Variants in GLUL observed in about 807,000 individuals in gnomAD.
GLUL encodes the protein glutamine synthetase.
In GLUL, 8 loss-of-function variants were observed where a neutral mutation model predicts 36.9. The observed-to-expected ratio is 0.22, with a 90% CI of 0.13 to 0.39. The LOEUF is 0.39. Ranked by LOEUF, GLUL falls within the 10% of genes least tolerant of loss-of-function variation. The probability of loss-of-function intolerance (pLI) is 1.00; values close to 1 mark genes in which losing one functional copy is unlikely to be tolerated. For synonymous variants in GLUL, 182 were observed against 172.8 expected (o/e 1.05, Z -0.42); for missense variants, 315 against 501.8 (o/e 0.63, Z 3.56).
Position 182,384,400 on chromosome 1 carries a change from T to A in GLUL, c.*5A>T. ...AGGGGCTCAACAGCTGGAGGTCTAG[T>A]CCACTTAATTTTTGTACTGGAAGGG... On this transcript the variant is annotated 3_prime_UTR_variant, in exon 7 of 7. Transcript: ENST00000331872. The A allele has an allele frequency of 1.3e-6, 2 of 1,599,236 alleles. No individual in the cohort carries two copies. Among genetic ancestry groups the A allele is most frequent in the Non-Finnish European group, 1.7e-6 (2 of 1,166,938 alleles).
rs1649843279 is a variant in GLUL, at chr1:182,379,303, A to G, written c.*5102T>C. On this transcript the variant is annotated 3_prime_UTR_variant, in exon 7 of 7. Transcript: ENST00000331872. ...AGTGGAGTGATCTTTGCTTACTGTA[A>G]CCTCTGCCTCCCTGGCTCCAGCGAT... Among the ~76,000 whole-genome samples the G allele has an allele frequency of 6.6e-6, 1 of 150,656 alleles. No individual in the cohort carries two copies. Among genetic ancestry groups the G allele is most frequent in the Admixed American group, 6.6e-5 (1 of 15,166 alleles).
rs139269420 is a variant in GLUL, at chr1:182,385,778, G to A, written c.585C>T (p.Ala195=). ...TACTTACCTGGGCAGGCATGACCTC[G>A]GCATTAGTCCCCGCAATCTTGACTC... ...YAGVKIAGTN[A]EVMPAQWEFQ... The change falls in exon 5 of 7, where the codon GCC becomes GCT. Residue 195 remains alanine (A), a synonymous_variant. Transcript: ENST00000331872. The A allele has an allele frequency of 3.3e-5, 54 of 1,614,002 alleles. No individual in the cohort carries two copies. The highest frequency in any genetic ancestry group is 1.6e-4 in the Middle Eastern group (1 of 6,076).
rs1006432853 is a variant in GLUL at position 182,386,854 on chromosome 1, T to A, written c.328+277A>T. ...TGGTTTACATTTGTCCTGGCCTACA[T>A]TCCAGGCAGGAAGGCTGTTACTGGG... On this transcript the variant is annotated intron_variant, in intron 3 of 6. Transcript: ENST00000331872. 3 of 532,442 alleles carry A rather than the reference T, an allele frequency of 5.6e-6. No individual in the cohort carries two copies. In the African/African-American group the frequency reaches 5.7e-5, roughly 10 times the overall value. The allele number at this position is 532,442 out of a possible 1,614,324, so 33.0% of individuals were successfully genotyped here.
At chr1:182,390,540 T>A in intron 1 of GLUL, 1 of 399,160 alleles carries the variant, frequency 2.5e-6, no homozygotes, top group East Asian at 3.6e-5. Flanking sequence ...TTGCCCTCTT[T>A]AACCCTTCTC....
Position 182,378,600 on chromosome 1 carries a change from G to C in GLUL, c.*5805C>G, listed in dbSNP as rs1649815363. On this transcript the variant is annotated 3_prime_UTR_variant, in exon 7 of 7. Coordinates refer to ENST00000331872, the MANE Select transcript of GLUL (RefSeq NM_001033044.4). The stretch of plus-strand genomic sequence containing the variant: ...CGAATTCTCTTGTGTACTGTTTCTG[G>C]AACATATATTACTAAATTCCTGTCT... Among the ~76,000 whole-genome samples the C allele has an allele frequency of 6.6e-6, 1 of 152,006 alleles. No homozygotes were observed. The highest frequency in any genetic ancestry group is 6.6e-5 in the Admixed American group (1 of 15,244).
chr1:182,387,383 C>G (rs1005223612), intron 2 of GLUL, 91 bp from the exon 3 acceptor site: 1 of 888,192 alleles, frequency 1.1e-6, no homozygotes, highest in Non-Finnish European at 1.9e-6. Context: ...ACCTTCCCAT[C>G]TCTAAATATC....
chr1:182,385,042 ATG>A (rs920783064), intron 6 of GLUL: 2 of 169,926 alleles, frequency 1.2e-5, no homozygotes, highest in Non-Finnish European at 1.9e-5. Flanking sequence ...ACCATGACAT[ATG>A]TCACAAATAT....
rs1265372366 is a variant in GLUL, at chr1:182,387,151, T to C, written c.308A>G (p.Lys103Arg). 1.9e-6 allele frequency: 3 copies of C among 1,613,998 alleles called. No homozygotes were observed. The South Asian group carries it at 3.3e-5, about 18-fold the overall frequency. Residue 103 changes from lysine to arginine, a missense_variant, in exon 3 of 7, where the codon AAG (lysine) becomes AGG (arginine). Physicochemically the swap from Lys to Arg is conservative, Grantham distance 26 (BLOSUM62 2). Transcript: ENST00000331872. ...PNKLVLCEVF[K>R]YNRRPAETNL... Reference sequence around the variant, plus strand: ...CACACCTGCAGGCCTTCGATTGTACTTGAAAACTTCACATAACACCAGCTT... The same window carrying C: ...CACACCTGCAGGCCTTCGATTGTACCTGAAAACTTCACATAACACCAGCTT...
In GLUL at chr1:182,388,704, C is replaced by T. The variant is rs1650281504; in HGVS notation, c.34G>A (p.Gly12Ser). Residue 12 changes from glycine to serine, a missense_variant, in exon 2 of 7, where the codon GGC becomes AGC. Gly to Ser is a moderately conservative substitution (Grantham distance 56, BLOSUM62 0). Coordinates refer to ENST00000331872, the MANE Select transcript of GLUL (RefSeq NM_001033044.4). Reference sequence around the variant, plus strand: ...AGGGACATGTACACCTGCTTGATGCCTTTATTTAAGTGGGAACTTGCTGAG... The same window carrying T: ...AGGGACATGTACACCTGCTTGATGCTTTTATTTAAGTGGGAACTTGCTGAG... The part of the protein sequence containing the change: ...TTSASSHLNK[G>S]IKQVYMSLPQ... The T allele has an allele frequency of 1.9e-6, 3 of 1,613,874 alleles. No homozygotes were observed.
In GLUL at chr1:182,384,713, C is replaced by T. The variant is rs780165247; in HGVS notation, c.814G>A (p.Glu272Lys). 1 of 1,613,442 alleles carries T rather than the reference C, an allele frequency of 6.2e-7. No homozygotes were observed. The highest frequency in any genetic ancestry group is 8.5e-7 in the Non-Finnish European group (1 of 1,179,430). The change falls in exon 7 of 7, where the codon GAG (glutamate) becomes AAG (lysine). Residue 272 changes from glutamate to lysine, a missense_variant. Glu to Lys is a moderately conservative substitution (Grantham distance 56, BLOSUM62 1). This residue lies in a region of GLUL where 256 missense variants were observed against 396.1 expected (regional missense o/e 0.65). Transcript: ENST00000331872. ...CGCTTGCTTAGTTTCTCAATGGCCT[C>T]CTCGATGTACCTAGAGTAAACAGAA... is the stretch of plus-strand genomic sequence containing the variant. ...REENGLKYIE[E>K]AIEKLSKRHQ...
intron 2 of GLUL, 120 bp downstream of exon 2, chr1:182,388,452 C>T: frequency 1.1e-6 from 1 of 874,742 alleles, no homozygotes; most frequent in Non-Finnish European, 1.9e-6. Flanking sequence ...AAAAGCCCTG[C>T]CTTAGAAAAC....
At position 182,384,606 on chromosome 1, in the gene GLUL, G is replaced by A. The variant is rs781206136; in HGVS notation, c.921C>T (p.Ser307=). 3.7e-6 allele frequency: 6 copies of A among 1,614,156 alleles called. 1 individual carries two copies. In the South Asian group the frequency reaches 4.4e-5, roughly 12 times the overall value. ...ARRLTGFHET[S]NINDFSAGVA... The stretch of plus-strand genomic sequence containing the variant: ...CACCAGCAGAAAAGTCGTTGATGTT[G>A]GAGGTTTCATGGAATCCAGTTAGAC... The change falls in exon 7 of 7, where the codon TCC becomes TCT. Residue 307 remains serine, a synonymous_variant. Coordinates refer to ENST00000331872, the MANE Select transcript of GLUL (RefSeq NM_001033044.4).
intron 2 of GLUL, among the ~76,000 whole-genome samples, chr1:182,387,575 C>CTGTT (rs1338893537): frequency 1.3e-5 from 2 of 152,304 alleles, no homozygotes; most frequent in East Asian, 3.9e-4. Context: ...CTGAAGCATT[C>CTGTT]TGTTATCACT....
Position 182,390,553 on chromosome 1 carries a change from T to C in GLUL, c.-14+1126A>G, listed in dbSNP as rs1308699941. 1.3e-4 allele frequency: 52 copies of C among 399,002 alleles called. No homozygotes were observed. The Admixed American group carries it at 2.3e-3, about 18-fold the overall frequency. The allele number at this position is 399,002 out of a possible 1,614,324, so 24.7% of individuals were successfully genotyped here. On this transcript the variant is annotated intron_variant, in intron 1 of 6. Transcript: ENST00000331872. ...GGTTGCCCTCTTTAACCCTTCTCTTTTTGGAGTGGCGTTCGCGCCTCTCCT... is the reference window on the plus strand; with the variant it reads ...GGTTGCCCTCTTTAACCCTTCTCTTCTTGGAGTGGCGTTCGCGCCTCTCCT...
Position 182,382,182 on chromosome 1 carries a change from T to C in GLUL, c.*2223A>G, listed in dbSNP as rs1336886488. The C allele has an allele frequency of 6.6e-6, 1 of 152,200 alleles. No individual in the cohort carries two copies. The highest frequency in any genetic ancestry group is 1.5e-5 in the Non-Finnish European group (1 of 68,042). 9.4% of individuals were successfully genotyped at this position (152,200 alleles called of 1,614,324 possible). ...TGCTATTAATAATATTGCACTCCAA[T>C]GTGTCCAATAATTGCTTTTTGCTAG... On this transcript the variant is annotated 3_prime_UTR_variant, in exon 7 of 7. Transcript: ENST00000331872.
rs886045607 is a variant in GLUL, at chr1:182,382,713, T to C, written c.*1692A>G. 5 of 152,154 alleles carry C rather than the reference T, an allele frequency of 3.3e-5. No individual in the cohort carries two copies. The highest frequency in any genetic ancestry group is 9.7e-5 in the African/African-American group (4 of 41,424). The allele number at this position is 152,154 out of a possible 1,614,324, so 9.4% of individuals were successfully genotyped here. A position where few individuals can be genotyped will look rare whatever the true frequency, so the allele number is the denominator to read the frequency against. On this transcript the variant is annotated 3_prime_UTR_variant, in exon 7 of 7. Coordinates refer to ENST00000331872, the MANE Select transcript of GLUL (RefSeq NM_001033044.4). ...TGTAACTAAGTCTAGGTGAAAAACTTAATCCCTTAAGTCCCAAATACCCAA... is the reference window on the plus strand; with the variant it reads ...TGTAACTAAGTCTAGGTGAAAAACTCAATCCCTTAAGTCCCAAATACCCAA...
chr1:182,384,432 G>C lies in GLUL; in HGVS notation c.1095C>G (p.Gly365=). 1 of 1,613,456 alleles carries C rather than the reference G, an allele frequency of 6.2e-7. No homozygotes were observed. The highest frequency in any genetic ancestry group is 8.5e-7 in the Non-Finnish European group (1 of 1,179,452). ...AATTTTTGTACTGGAAGGGCTCATCGCCGGTTTCATTGAGAAGACACGTGC... is the reference window on the plus strand; with the variant it reads ...AATTTTTGTACTGGAAGGGCTCATCCCCGGTTTCATTGAGAAGACACGTGC... ...LIRTCLLNET[G]DEPFQYKN The change falls in exon 7 of 7, where the codon GGC becomes GGG. Residue 365 remains glycine, a synonymous_variant. Transcript: ENST00000331872.
At chr1:182,386,017 G>T in intron 4 of GLUL, 130 bp from the exon 5 acceptor site, 1 of 1,013,210 alleles carries the variant, frequency 9.9e-7, no homozygotes, top group Non-Finnish European at 1.6e-6. Context: ...GTGCGGGGCA[G>T]GGGAGGGGCA....
chr1:182,383,935 TCTC>T lies in GLUL; in HGVS notation c.*467_*469del. 5.2e-6 allele frequency: 1 copy of T among 192,204 alleles called. No homozygotes were observed. Among genetic ancestry groups the T allele is most frequent in the South Asian group, 9.4e-5 (1 of 10,630 alleles). The allele number at this position is 192,204 out of a possible 1,614,324, so 11.9% of individuals were successfully genotyped here. A position where few individuals can be genotyped will look rare whatever the true frequency, so the allele number is the denominator to read the frequency against. On this transcript the variant is annotated 3_prime_UTR_variant, in exon 7 of 7. Transcript: ENST00000331872. ...TCTCTGATTCCCAACCCCTACCTTC[TCTC>T]CTAATTCCCACTTTTAATAGAAAAG...
Sources: gnomAD v4.1 joint callset for allele counts (sites outside exome capture counted in the v4.1 genomes callset) on GRCh38, gnomAD v4.1.1 for gene constraint, gnomAD v4.1.1 regional missense constraint, MANE v1.5 for transcripts, NCBI Gene and HGNC (gene_info 2026-07-23, HGNC 2026-07-21) for gene names.